The following RGS12 variants were observed in gnomAD, a reference collection of about 807,000 sequenced individuals.
RGS12 encodes regulator of G-protein signaling 12.
A neutral mutation model predicts 120.1 loss-of-function variants in RGS12; 66 were observed. The observed-to-expected ratio is 0.55, with a 90% CI of 0.45 to 0.67. The LOEUF (loss-of-function observed/expected upper bound fraction) is 0.67, where lower values mean the gene tolerates loss of function less well. RGS12 is among the 30% of genes least tolerant of loss of function. The pLI is 0.00. For missense variants in RGS12, 1,859 were observed against 1,957.7 expected, an observed-to-expected ratio of 0.95 and a Z score of 0.95; for synonymous variants, 827 against 804.7, an observed-to-expected ratio of 1.03 and a Z score of -0.47.
At chr4:3,404,370 G>C (rs1720897378) in intron 4 of RGS12, among the ~76,000 whole-genome samples, 1 of 152,240 alleles carries the variant, frequency 6.6e-6, no homozygotes, top group Non-Finnish European at 1.5e-5. Context: ...ACGAGGCCTG[G>C]CTGTTTCGAA....
intron 3 of RGS12, among the ~76,000 whole-genome samples, chr4:3,376,323 C>T (rs545520747): frequency 6.6e-6 from 1 of 152,082 alleles, no homozygotes; most frequent in East Asian, 1.9e-4. Context: ...GTCTGTGTCT[C>T]AGCCCCAGGT....
chr4:3,430,193 T>C (rs1417248247), intron 16 of RGS12, among the ~76,000 whole-genome samples: 1 of 152,224 alleles, frequency 6.6e-6, no homozygotes, highest in Non-Finnish European at 1.5e-5. Flanking sequence ...CACAGCTTTT[T>C]CAGACTCCTG....
upstream of RGS12, among the ~76,000 whole-genome samples, chr4:3,292,454 C>G (rs1723077622): frequency 6.6e-6 from 1 of 152,198 alleles, no homozygotes; most frequent in Admixed American, 6.5e-5. Context: ...GCCGCGGGAA[C>G]TCACGCCGCC....
chr4:3,310,571 G>A (rs1480134934), intron 1 of RGS12, among the ~76,000 whole-genome samples: 1 of 152,208 alleles, frequency 6.6e-6, no homozygotes, highest in Non-Finnish European at 1.5e-5. Context: ...AGTGGCCAGG[G>A]ACTTGGAGGG....
chr4:3,381,811 T>C (rs1194924267), intron 3 of RGS12, among the ~76,000 whole-genome samples: 1 of 152,234 alleles, frequency 6.6e-6, no homozygotes, highest in Non-Finnish European at 1.5e-5. Flanking sequence ...TTTCATACTT[T>C]CAGAGAAATT....
At chr4:3,395,784 A>C (rs997601747) in intron 4 of RGS12, among the ~76,000 whole-genome samples, 2 of 151,898 alleles carry the variant, frequency 1.3e-5, no homozygotes, top group Non-Finnish European at 2.9e-5. Context: ...TTCCTTATTG[A>C]TTTATAGAAT....
chr4:3,402,331 T>C (rs968816518), intron 4 of RGS12, among the ~76,000 whole-genome samples: 3 of 152,208 alleles, frequency 2.0e-5, no homozygotes, highest in Non-Finnish European at 4.4e-5. Flanking sequence ...TTTCCGTGTC[T>C]TGTGTTACCT....
chr4:3,367,277 T>C (rs1716412118), intron 3 of RGS12, among the ~76,000 whole-genome samples: 1 of 152,266 alleles, frequency 6.6e-6, no homozygotes, highest in Non-Finnish European at 1.5e-5. Context: ...GCGGTGGGCC[T>C]GCGTTGGAGG....
intron 4 of RGS12, among the ~76,000 whole-genome samples, chr4:3,394,382 C>G (rs549655751): frequency 2.6e-5 from 4 of 152,110 alleles, no homozygotes; most frequent in South Asian, 4.1e-4. Flanking sequence ...AGGCTGGTCT[C>G]GAACTCCTGA....
chr4:3,310,250 A>G (rs1724299281), intron 1 of RGS12, among the ~76,000 whole-genome samples: 2 of 118,390 alleles, frequency 1.7e-5, no homozygotes, highest in Non-Finnish European at 3.7e-5. Context: ...GACCCGGGAA[A>G]TGGCAGGTGT....
chr4:3,362,156 C>T (rs1233114309), intron 3 of RGS12, among the ~76,000 whole-genome samples: 3 of 148,660 alleles, frequency 2.0e-5, no homozygotes, highest in Non-Finnish European at 3.0e-5. Flanking sequence ...CAAAGGGCAG[C>T]GGCAGTGAAG....
intron 3 of RGS12, chr4:3,386,156 A>G (rs572709592): frequency 1.8e-6 from 1 of 544,454 alleles, no homozygotes; most frequent in Admixed American, 3.4e-5. Flanking sequence ...CTAAGACTGT[A>G]ATGTCAGACA....
At chr4:3,399,744 A>G (rs1370428971) in intron 4 of RGS12, among the ~76,000 whole-genome samples, 2 of 152,262 alleles carry the variant, frequency 1.3e-5, no homozygotes, top group Admixed American at 6.5e-5. Flanking sequence ...TGAGTATATC[A>G]GTCAGCTTAG....
intron 3 of RGS12, among the ~76,000 whole-genome samples, chr4:3,355,828 G>A (rs145019381): frequency 0.033 from 4,513 of 135,056 alleles, 214 homozygotes; most frequent in African/African-American, 0.11. Context: ...GAAAAAAGAA[G>A]AAAAAGAAAT....
rs567147068 is a variant in RGS12, at chr4:3,422,287, C to T, written c.2839-89C>T. On this transcript the variant is annotated intron_variant, in intron 10 of 17. Transcript: ENST00000336727. ...AGGGCGCCAGCCTCCCCAGCACGTG[C>T]GGCCTGGGCCAGCTGGGCTGCTCTG... 8.4e-4 allele frequency: 1,145 copies of T among 1,357,328 alleles called. 17 individuals carry two copies. In the South Asian group the frequency reaches 0.013, roughly 16 times the overall value. The allele number at this position is 1,357,328 out of a possible 1,614,324, so 84.1% of individuals were successfully genotyped here.
At chr4:3,393,302 C>T (rs1179765976) in intron 4 of RGS12, among the ~76,000 whole-genome samples, 4 of 152,210 alleles carry the variant, frequency 2.6e-5, no homozygotes, top group East Asian at 1.9e-4. Context: ...CTGTTCCCGC[C>T]GCAGCCCCCG....
chr4:3,368,132 G>A (rs530766238), intron 3 of RGS12, among the ~76,000 whole-genome samples: 4 of 152,302 alleles, frequency 2.6e-5, no homozygotes, highest in Admixed American at 2.6e-4. Context: ...GGGGCCCTGG[G>A]GGGCCAGGAT....
chr4:3,387,556 A>C (rs1200751993), intron 4 of RGS12, among the ~76,000 whole-genome samples: 2 of 152,094 alleles, frequency 1.3e-5, no homozygotes, highest in Non-Finnish European at 2.9e-5. Context: ...GGATCCCGAC[A>C]CTCGTGTGGT....
chr4:3,428,240 C>A (rs770348683), intron 15 of RGS12, 71 bp downstream of exon 15: 2 of 1,349,986 alleles, frequency 1.5e-6, no homozygotes, highest in African/African-American at 1.4e-5. Flanking sequence ...CTGCGCAGTG[C>A]CCTGGTGCTT....
Sources: gnomAD v4.1 joint callset for allele counts (sites outside exome capture counted in the v4.1 genomes callset) on GRCh38, gnomAD v4.1.1 for gene constraint, MANE v1.5 for transcripts, NCBI Gene and HGNC (gene_info 2026-07-23, HGNC 2026-07-21) for gene names.